BBC3: variants seen among roughly 807,000 people sequenced by gnomAD.
BBC3 encodes the protein BCL2 binding component 3.
A neutral mutation model predicts 18.2 loss-of-function variants in BBC3; 5 were observed. The observed-to-expected ratio is 0.27, with a 90% CI of 0.14 to 0.58. The LOEUF (loss-of-function observed/expected upper bound fraction) is 0.58, where lower values mean the gene tolerates loss of function less well. Among genes scored for constraint, BBC3 ranks in the 20% least tolerant of loss-of-function variants. The pLI, the probability that BBC3 is intolerant of heterozygous loss-of-function variation, is 0.91. For synonymous variants in BBC3, 119 were observed against 128.0 expected (o/e 0.93, Z 0.47); for missense variants, 224 against 268.9 (o/e 0.83, Z 1.17).
At chr19:47,222,014 C>T in intron 3 of BBC3, 96 bp from the exon 4 acceptor site, 1 of 1,151,724 alleles carries the variant, frequency 8.7e-7, no homozygotes, top group South Asian at 1.6e-5. Flanking sequence ...GCGACAGTCT[C>T]GCCCACCCTA....
intron 3 of BBC3, 127 bp downstream of exon 3, chr19:47,226,437 A>G: frequency 1.8e-5 from 1 of 56,346 alleles, no homozygotes. Context: ...CTTACCCCCC[A>G]CCTGCCTGTC....
rs899543888 is a variant in BBC3, at chr19:47,221,630, C to T, written c.*172G>A. On this transcript the variant is annotated 3_prime_UTR_variant, in exon 4 of 4. Transcript: ENST00000439096. ...AGTCCGCATCTCCGTCAGTGCACCCCAGGCTGGGCTGGGGCTGGAGTGGCT... is the reference window on the plus strand; with the variant it reads ...AGTCCGCATCTCCGTCAGTGCACCCTAGGCTGGGCTGGGGCTGGAGTGGCT... 1.4e-6 allele frequency: 2 copies of T among 1,381,622 alleles called. No individual in the cohort carries two copies. The highest frequency in any genetic ancestry group is 3.0e-5 in the African/African-American group (2 of 67,386). 85.6% of individuals were successfully genotyped at this position (1,381,622 alleles called of 1,614,324 possible). A position where few individuals can be genotyped will look rare whatever the true frequency, so the allele number is the denominator to read the frequency against.
chr19:47,229,711 G>A (rs941491225), intron 1 of BBC3, among the ~76,000 whole-genome samples: 10 of 149,804 alleles, frequency 6.7e-5, no homozygotes, highest in Admixed American at 2.0e-4. Context: ...AACACCCACC[G>A]TCTACACTGC....
chr19:47,226,141 C>T (rs2058815125), intron 3 of BBC3, among the ~76,000 whole-genome samples: 1 of 151,616 alleles, frequency 6.6e-6, no homozygotes. Context: ...CCGGCCCGCC[C>T]CGGCGCCCGG....
Position 47,231,016 on chromosome 19 carries a change from G to A in BBC3, c.-103C>T. On this transcript the variant is annotated 5_prime_UTR_variant, in exon 1 of 4. Coordinates refer to ENST00000439096, the MANE Select transcript of BBC3 (RefSeq NM_014417.5). This position sits in a 1 kb window ranked among gnomAD's most constrained non-coding sequence, Gnocchi z 4.0. ...GCGCGCCCGCCGAGCGCCGCTCTCC[G>A]CGGCGGCTGCTGCTGTGGCTGTCGC... The A allele has an allele frequency of 2.0e-6, 2 of 986,222 alleles. No individual in the cohort carries two copies. The highest frequency in any genetic ancestry group is 2.4e-6 in the Non-Finnish European group (2 of 829,952). The allele number at this position is 986,222 out of a possible 1,614,324, so 61.1% of individuals were successfully genotyped here.
At chr19:47,231,375 G>T (rs1055724181), upstream of BBC3, among the ~76,000 whole-genome samples, 1 of 152,034 alleles carries the variant, frequency 6.6e-6, no homozygotes, top group Non-Finnish European at 1.5e-5. The surrounding 1 kb of genome is among the most constrained non-coding windows in gnomAD (Gnocchi z 4.0). Flanking sequence ...CCGCGCCGGG[G>T]GTTTCCCTGC....
rs548504579 is a variant in BBC3, at chr19:47,229,037, C to G, written c.-15-591G>C. Among the ~76,000 whole-genome samples the G allele has an allele frequency of 3.3e-5, 5 of 152,030 alleles. No homozygotes were observed. The South Asian group carries it at 1.0e-3, about 32-fold the overall frequency. The stretch of plus-strand genomic sequence containing the variant: ...CCAAAGCAGGAGCATCCAGACAGAC[C>G]ATCACAAGCACTCTACATACTGCGC... On this transcript the variant is annotated intron_variant, in intron 1 of 3. Transcript: ENST00000439096.
chr19:47,227,903 C>G (rs539042328), intron 2 of BBC3, among the ~76,000 whole-genome samples: 5 of 152,228 alleles, frequency 3.3e-5, no homozygotes, highest in Non-Finnish European at 7.4e-5. Flanking sequence ...GCCCCAGGCC[C>G]GGAAGAGACA....
chr19:47,232,515 C>A, upstream of BBC3: 1 of 1,548,610 alleles, frequency 6.5e-7, no homozygotes, highest in Non-Finnish European at 8.7e-7. Flanking sequence ...CCACACTCAC[C>A]ACAAATCTGG....
At chr19:47,226,345 G>C (rs1389739088) in intron 3 of BBC3, among the ~76,000 whole-genome samples, 1 of 151,946 alleles carries the variant, frequency 6.6e-6, no homozygotes, top group East Asian at 1.9e-4. Context: ...CCTGGCCCTG[G>C]CCCTGGCTCG....
In BBC3 at chr19:47,228,013, C is replaced by T; in HGVS notation, c.274+145G>A. On this transcript the variant is annotated intron_variant, in intron 2 of 3. Coordinates refer to ENST00000439096, the MANE Select transcript of BBC3 (RefSeq NM_014417.5). The surrounding 1 kb of genome is among the most constrained non-coding windows in gnomAD (Gnocchi z 5.5). ...CTCCGTCTTCCTGCTTCTTGCAACA[C>T]AAAGACCACATTGGCCACACCCTCC... is the stretch of plus-strand genomic sequence containing the variant. 3.2e-6 allele frequency: 2 copies of T among 626,544 alleles called. No individual in the cohort carries two copies. Among genetic ancestry groups the T allele is most frequent in the Non-Finnish European group, 4.5e-6 (2 of 444,460 alleles). The allele number at this position is 626,544 out of a possible 1,614,324, so 38.8% of individuals were successfully genotyped here.
upstream of BBC3, chr19:47,232,544 GAAGCA>G (rs1385445997): frequency 6.5e-7 from 1 of 1,548,864 alleles, no homozygotes; most frequent in Admixed American, 2.0e-5. Context: ...CCACGTCGTG[GAAGCA>G]GCCCTGGGCA....
At position 47,226,279 on chromosome 19, in the gene BBC3, C is replaced by T. The variant is rs1319389131; in HGVS notation, c.465+285G>A. On this transcript the variant is annotated intron_variant, in intron 3 of 3. Coordinates refer to ENST00000439096, the MANE Select transcript of BBC3 (RefSeq NM_014417.5). Reference sequence around the variant, plus strand: ...CGCCGCCCAGCGCCGCCCTCAGTCCCCGCGGCCGCGGGCCACGGGCGCGCA... The same window carrying T: ...CGCCGCCCAGCGCCGCCCTCAGTCCTCGCGGCCGCGGGCCACGGGCGCGCA... Among the ~76,000 whole-genome samples the T allele has an allele frequency of 2.6e-5, 4 of 151,908 alleles. No individual in the cohort carries two copies. The East Asian group carries it at 7.8e-4, about 30-fold the overall frequency.
upstream of BBC3, chr19:47,231,346 G>GC: frequency 2.8e-6 from 1 of 361,874 alleles, no homozygotes; most frequent in Non-Finnish European, 3.8e-6. The surrounding 1 kb of genome is among the most constrained non-coding windows in gnomAD (Gnocchi z 4.0). Context: ...GCAGGCGCGC[G>GC]CCGCGCCCCC....
At position 47,221,761 on chromosome 19, in the gene BBC3, G is replaced by GC. The variant is rs762488821; in HGVS notation, c.*40dup. On this transcript the variant is annotated 3_prime_UTR_variant, in exon 4 of 4. Coordinates refer to ENST00000439096, the MANE Select transcript of BBC3 (RefSeq NM_014417.5). ...GGGTGTCAGGAGGTGGGAGGGGCCT[G>GC]CCCCCCGAGTCCCTGACGTCCACCG... 5.0e-6 allele frequency: 8 copies of GC among 1,606,178 alleles called. No individual in the cohort carries two copies. Among genetic ancestry groups the GC allele is most frequent in the Admixed American group, 3.5e-5 (2 of 57,522 alleles).
Position 47,230,442 on chromosome 19 carries a change from G to C in BBC3, c.-16+487C>G, listed in dbSNP as rs964566779. On this transcript the variant is annotated intron_variant, in intron 1 of 3. Coordinates refer to ENST00000439096, the MANE Select transcript of BBC3 (RefSeq NM_014417.5). This position sits in a 1 kb window ranked among gnomAD's most constrained non-coding sequence, Gnocchi z 6.7. Reference sequence around the variant, plus strand: ...CACGTGCGCCCGCCCCGCCCGCCAGGCGAGCGCGGGGCCAATAACCGGCTG... The same window carrying C: ...CACGTGCGCCCGCCCCGCCCGCCAGCCGAGCGCGGGGCCAATAACCGGCTG... 1.3e-5 allele frequency among the ~76,000 whole-genome samples: 2 copies of C among 151,020 alleles called. No individual in the cohort carries two copies. The highest frequency in any genetic ancestry group is 4.8e-5 in the African/African-American group (2 of 41,252).
upstream of BBC3, chr19:47,231,313 C>G: frequency 1.6e-6 from 1 of 630,884 alleles, no homozygotes; most frequent in Non-Finnish European, 2.0e-6. This position sits in a 1 kb window ranked among gnomAD's most constrained non-coding sequence, Gnocchi z 4.0. Flanking sequence ...CCCCGCCCGC[C>G]CGCCGCGGAC....
At chr19:47,223,345 T>A (rs959311278) in intron 3 of BBC3, among the ~76,000 whole-genome samples, 2 of 151,542 alleles carry the variant, frequency 1.3e-5, no homozygotes, top group African/African-American at 4.9e-5. Flanking sequence ...GGCAGGTGGA[T>A]CACCTGAGGT....
chr19:47,232,583 G>A, upstream of BBC3: 1 of 1,539,554 alleles, frequency 6.5e-7, no homozygotes, highest in Middle Eastern at 1.7e-4. Context: ...TGCCTGGGCA[G>A]ACCCCATGCC....
Sources: gnomAD v4.1 joint callset for allele counts (sites outside exome capture counted in the v4.1 genomes callset) on GRCh38, gnomAD v4.1.1 for gene constraint, Gnocchi (gnomAD v3.1) non-coding constraint, MANE v1.5 for transcripts, NCBI Gene and HGNC (gene_info 2026-07-23, HGNC 2026-07-21) for gene names.